MUC7: variants seen among roughly 807,000 people sequenced by gnomAD.
MUC7 encodes the protein mucin-7.
Under a neutral mutation model 2.5 loss-of-function variants are expected in MUC7, and 2 were observed. The observed-to-expected ratio is 0.81, with a 90% CI of 0.33 to 2.55. The LOEUF (loss-of-function observed/expected upper bound fraction) is 2.55, where lower values mean the gene tolerates loss of function less well. Ranked by LOEUF, MUC7 falls within the 30% of genes most tolerant of loss-of-function variation. MUC7 has a pLI of 0.11. For synonymous variants in MUC7, 133 were observed against 173.4 expected, an observed-to-expected ratio of 0.77 and a Z score of 1.83; for missense variants, 408 against 455.6, an observed-to-expected ratio of 0.90 and a Z score of 0.95.
chr4:70,454,534 G>A (rs1577905137), intron 1 of MUC7, among the ~76,000 whole-genome samples: 1 of 152,204 alleles, frequency 6.6e-6, no homozygotes, highest in Non-Finnish European at 1.5e-5. Context: ...CAACAGATGA[G>A]GGAAGGGTTG....
At chr4:70,435,608 G>C (rs1001897628) in intron 1 of MUC7, among the ~76,000 whole-genome samples, 1 of 152,184 alleles carries the variant, frequency 6.6e-6, no homozygotes. Flanking sequence ...TTGCATGTGA[G>C]ATAGGTCTCC....
At chr4:70,445,654 A>G (rs530306259) in intron 1 of MUC7, among the ~76,000 whole-genome samples, 1 of 152,284 alleles carries the variant, frequency 6.6e-6, no homozygotes, top group African/African-American at 2.4e-5. Context: ...AAACCCATCC[A>G]CATAAATCCC....
At chr4:70,449,839 G>A (rs1734237295) in intron 1 of MUC7, among the ~76,000 whole-genome samples, 1 of 152,146 alleles carries the variant, frequency 6.6e-6, no homozygotes, top group South Asian at 2.1e-4. Flanking sequence ...CTAAAGCTGG[G>A]GATGGAGTGA....
chr4:70,439,695 T>C (rs1733954321), intron 1 of MUC7, among the ~76,000 whole-genome samples: 1 of 152,096 alleles, frequency 6.6e-6, no homozygotes, highest in African/African-American at 2.4e-5. Flanking sequence ...TATCTTAATT[T>C]CAGTAATTTT....
Position 70,472,299 on chromosome 4 carries a change from G to A in MUC7, c.-16+8G>A, listed in dbSNP as rs547307688. ...AGATTCACACTGCACCAGGTATGTG[G>A]ATACTTTAGATAGGTTCTAATATAA... On this transcript the variant is annotated splice_region_variant and intron_variant, in intron 1 of 2. Coordinates refer to ENST00000304887, the MANE Select transcript of MUC7 (RefSeq NM_152291.3). 1.3e-4 allele frequency: 20 copies of A among 152,264 alleles called. No homozygotes were observed. The highest frequency in any genetic ancestry group is 3.6e-4 in the African/African-American group (15 of 41,558). 9.4% of individuals were successfully genotyped at this position (152,264 alleles called of 1,614,324 possible). A position where few individuals can be genotyped will look rare whatever the true frequency, so the allele number is the denominator to read the frequency against.
intron 1 of MUC7, among the ~76,000 whole-genome samples, chr4:70,431,044 T>C (rs2109782695): frequency 6.6e-6 from 1 of 152,266 alleles, no homozygotes; most frequent in African/African-American, 2.4e-5. Flanking sequence ...TATGGGGAGC[T>C]GTATGCTACT....
intron 1 of MUC7, among the ~76,000 whole-genome samples, chr4:70,458,610 G>A (rs1188816572): frequency 1.3e-5 from 2 of 151,920 alleles, no homozygotes; most frequent in Non-Finnish European, 2.9e-5. Context: ...AACAAAAAAT[G>A]TAAGCATCCT....
At chr4:70,447,824 A>T (rs1734182830) in intron 1 of MUC7, among the ~76,000 whole-genome samples, 1 of 152,156 alleles carries the variant, frequency 6.6e-6, no homozygotes, top group Non-Finnish European at 1.5e-5. Flanking sequence ...TTTTAAATGT[A>T]CAATTAAATT....
At chr4:70,454,277 G>A (rs1218139885) in intron 1 of MUC7, among the ~76,000 whole-genome samples, 1 of 152,218 alleles carries the variant, frequency 6.6e-6, no homozygotes, top group Admixed American at 6.5e-5. Flanking sequence ...GAACCACAGA[G>A]TACTTTAGCC....
At chr4:70,461,842 T>C (rs1180245156) in intron 1 of MUC7, among the ~76,000 whole-genome samples, 2 of 147,934 alleles carry the variant, frequency 1.4e-5, no homozygotes, top group African/African-American at 2.5e-5. Flanking sequence ...ATTTCCAAGC[T>C]AAAAAGAGCC....
chr4:70,437,062 TC>T (rs1380629845), intron 1 of MUC7, among the ~76,000 whole-genome samples: 1 of 152,180 alleles, frequency 6.6e-6, no homozygotes, highest in Non-Finnish European at 1.5e-5. Context: ...ACCTGATCCT[TC>T]CTCTGGAAGC....
chr4:70,481,439 C>G lies in MUC7; in HGVS notation c.695C>G (p.Pro232Arg). Residue 232 changes from proline to arginine, a missense_variant, in exon 3 of 3, where the codon CCA (proline) becomes CGA (arginine). Transcript: ENST00000304887. ...TPAPPSSSAPPETTAAPPTPS... is the reference protein window; with the variant it reads ...TPAPPSSSAPRETTAAPPTPS... The stretch of plus-strand genomic sequence containing the variant: ...GCTCCACCATCTTCCTCAGCTCCAC[C>G]AGAGACCACAGCTGCCCCACCCACA... 1 of 1,503,626 alleles carries G rather than the reference C, an allele frequency of 6.7e-7. No individual in the cohort carries two copies. The highest frequency in any genetic ancestry group is 3.1e-5 in the East Asian group (1 of 32,140). 93.1% of individuals were successfully genotyped at this position (1,503,626 alleles called of 1,614,324 possible). A position where few individuals can be genotyped will look rare whatever the true frequency, so the allele number is the denominator to read the frequency against.
At chr4:70,438,912 C>T (rs2109703009) in intron 1 of MUC7, among the ~76,000 whole-genome samples, 1 of 152,254 alleles carries the variant, frequency 6.6e-6, no homozygotes, top group South Asian at 2.1e-4. Flanking sequence ...ATGCATTCAA[C>T]ATACATTTAT....
At chr4:70,444,472 C>G (rs577831503) in intron 1 of MUC7, among the ~76,000 whole-genome samples, 1 of 152,286 alleles carries the variant, frequency 6.6e-6, no homozygotes, top group East Asian at 1.9e-4. Flanking sequence ...CCCCTACTAC[C>G]CAGTCCTCTA....
chr4:70,460,733 A>G (rs1734534108), intron 1 of MUC7, among the ~76,000 whole-genome samples: 2 of 152,132 alleles, frequency 1.3e-5, no homozygotes, highest in Admixed American at 6.5e-5. Context: ...TCCAGCCAGC[A>G]CTGTGCTGCT....
intron 1 of MUC7, among the ~76,000 whole-genome samples, chr4:70,437,158 C>G (rs1391691517): frequency 1.3e-5 from 2 of 152,196 alleles, no homozygotes; most frequent in Non-Finnish European, 2.9e-5. Context: ...CACAGGGGTC[C>G]CGGACCCACT....
intron 1 of MUC7, among the ~76,000 whole-genome samples, chr4:70,434,806 C>T (rs1055246142): frequency 4.6e-5 from 7 of 151,982 alleles, no homozygotes; most frequent in African/African-American, 7.3e-5. Context: ...GTGAGGGTGT[C>T]GATTTTGGAT....
At chr4:70,447,933 A>G (rs1734185271) in intron 1 of MUC7, among the ~76,000 whole-genome samples, 1 of 151,664 alleles carries the variant, frequency 6.6e-6, no homozygotes, top group Non-Finnish European at 1.5e-5. Context: ...CGTGCCCCCA[A>G]CTCCCCATTA....
At chr4:70,480,091 A>C (rs759408679) in intron 2 of MUC7, among the ~76,000 whole-genome samples, 101 of 152,350 alleles carry the variant, frequency 6.6e-4, no homozygotes, top group Non-Finnish European at 1.3e-3. Context: ...TTCAGAAATC[A>C]TGAAAACCAT....
Sources: allele counts gnomAD v4.1 joint callset (sites outside exome capture counted in the v4.1 genomes callset), GRCh38; gene constraint gnomAD v4.1.1; transcripts MANE v1.5; gene names NCBI Gene and HGNC (gene_info 2026-07-23, HGNC 2026-07-21).